The following PTP4A3 variants were observed in gnomAD, a reference collection of about 807,000 sequenced individuals.
PTP4A3 encodes protein tyrosine phosphatase type IVA 3.
A neutral mutation model predicts 15.2 loss-of-function variants in PTP4A3; 9 were observed. The observed-to-expected ratio is 0.59, with a 90% CI of 0.36 to 1.03. The LOEUF (loss-of-function observed/expected upper bound fraction) is 1.03, where lower values mean the gene tolerates loss of function less well. PTP4A3 is among the 50% of genes least tolerant of loss of function. The pLI, the probability that PTP4A3 is intolerant of heterozygous loss-of-function variation, is 0.02. For missense variants in PTP4A3, 234 were observed against 252.1 expected, an observed-to-expected ratio of 0.93 and a Z score of 0.49; for synonymous variants, 95 against 102.0, an observed-to-expected ratio of 0.93 and a Z score of 0.41.
At chr8:141,396,601 C>T (rs922394373) in intron 1 of PTP4A3, among the ~76,000 whole-genome samples, 1 of 152,076 alleles carries the variant, frequency 6.6e-6, no homozygotes, top group Non-Finnish European at 1.5e-5. Flanking sequence ...GAGGAGCTGG[C>T]GCCAAGTGGA....
chr8:141,410,300 G>A (rs528286751), intron 1 of PTP4A3, among the ~76,000 whole-genome samples: 3 of 152,352 alleles, frequency 2.0e-5, no homozygotes, highest in South Asian at 4.1e-4. Flanking sequence ...GGTGGGGTTC[G>A]GTGAGGCACC....
intron 1 of PTP4A3, among the ~76,000 whole-genome samples, chr8:141,418,556 G>A (rs1045824778): frequency 2.6e-5 from 4 of 152,226 alleles, no homozygotes; most frequent in African/African-American, 4.8e-5. Context: ...TTGAGAAATA[G>A]CTGAGGGCTC....
intron 5 of PTP4A3, among the ~76,000 whole-genome samples, chr8:141,428,189 C>T (rs1051402692): frequency 7.9e-5 from 12 of 152,274 alleles, no homozygotes; most frequent in East Asian, 7.7e-4. Flanking sequence ...CACACCACAC[C>T]GTGTCCACCC....
intron 2 of PTP4A3, among the ~76,000 whole-genome samples, chr8:141,423,761 A>T (rs1217033452): frequency 6.7e-6 from 1 of 150,312 alleles, no homozygotes; most frequent in Non-Finnish European, 1.5e-5. Flanking sequence ...TCAGTGTGTG[A>T]CCAGGATTGA....
chr8:141,393,510 T>C (rs1024625573), intron 1 of PTP4A3, among the ~76,000 whole-genome samples: 1 of 151,888 alleles, frequency 6.6e-6, no homozygotes, highest in East Asian at 1.9e-4. Flanking sequence ...CCAGGCCCAA[T>C]GCTGGACCTG....
Position 141,430,809 on chromosome 8 carries a change from G to C in PTP4A3, c.405-118G>C, listed in dbSNP as rs1833835429. 87 of 918,680 alleles carry C rather than the reference G, an allele frequency of 9.5e-5. 2 individuals carry two copies. In the South Asian group the frequency reaches 1.2e-3, roughly 13 times the overall value. The allele number at this position is 918,680 out of a possible 1,614,324, so 56.9% of individuals were successfully genotyped here. A position where few individuals can be genotyped will look rare whatever the true frequency, so the allele number is the denominator to read the frequency against. ...CAAGGCCCTGGGACAGGAGGGGCTT[G>C]GCCAGCCTCAAGGCCTTACTCCAGC... On this transcript the variant is annotated intron_variant, in intron 5 of 5. Transcript: ENST00000521578.
chr8:141,396,868 G>A (rs1005536208), intron 1 of PTP4A3, among the ~76,000 whole-genome samples: 3 of 152,174 alleles, frequency 2.0e-5, no homozygotes, highest in African/African-American at 4.8e-5. Flanking sequence ...CACTGAGCCC[G>A]CTGGGGTTCC....
intron 1 of PTP4A3, among the ~76,000 whole-genome samples, chr8:141,414,059 GGC>G (rs924677917): frequency 7.4e-6 from 1 of 134,812 alleles, no homozygotes; most frequent in East Asian, 2.7e-4. Flanking sequence ...CTGTTTCTGT[GGC>G]GTGTGTGTGT....
At chr8:141,395,916 G>T (rs1832440307) in intron 1 of PTP4A3, among the ~76,000 whole-genome samples, 1 of 152,184 alleles carries the variant, frequency 6.6e-6, no homozygotes, top group South Asian at 2.1e-4. Context: ...GAGTGGAAAT[G>T]CAGCACAGTC....
intron 1 of PTP4A3, among the ~76,000 whole-genome samples, chr8:141,420,677 G>C (rs1833288961): frequency 6.6e-6 from 1 of 152,250 alleles, no homozygotes; most frequent in Admixed American, 6.5e-5. Flanking sequence ...GAGGGGCAGA[G>C]CTGGCCTGTT....
intron 1 of PTP4A3, among the ~76,000 whole-genome samples, chr8:141,419,047 A>G (rs1460306023): frequency 6.6e-6 from 1 of 152,020 alleles, no homozygotes; most frequent in East Asian, 1.9e-4. Flanking sequence ...TGGACCCCTA[A>G]CCCCATTCTA....
At chr8:141,416,052 C>G (rs1030673988) in intron 1 of PTP4A3, among the ~76,000 whole-genome samples, 3 of 151,926 alleles carry the variant, frequency 2.0e-5, no homozygotes, top group Admixed American at 6.5e-5. Context: ...CTCCCAGGCC[C>G]GGCCAGAGGG....
chr8:141,416,800 TG>T (rs1367746303), intron 1 of PTP4A3, among the ~76,000 whole-genome samples: 2 of 149,718 alleles, frequency 1.3e-5, no homozygotes, highest in Non-Finnish European at 3.0e-5. Context: ...CCGGCACAGC[TG>T]GGCCAGGCTG....
Position 141,422,187 on chromosome 8 carries a change from TC to T in PTP4A3, c.-50del, listed in dbSNP as rs1184570067. 1.3e-6 allele frequency: 2 copies of T among 1,575,964 alleles called. No homozygotes were observed. The highest frequency in any genetic ancestry group is 4.5e-5 in the East Asian group (2 of 44,574). On this transcript the variant is annotated 5_prime_UTR_variant, in exon 2 of 6. Coordinates refer to ENST00000521578, the MANE Select transcript of PTP4A3 (RefSeq NM_032611.3). ...GTGTGTGGGGACTTCTCAGGTCGTGTCCCCAGCCTTCTCTGCAGTCCCTTCT... is the reference window on the plus strand; with the variant it reads ...GTGTGTGGGGACTTCTCAGGTCGTGTCCCAGCCTTCTCTGCAGTCCCTTCT...
At chr8:141,417,756 GCGCC>G (rs1833117650) in intron 1 of PTP4A3, among the ~76,000 whole-genome samples, 1 of 151,946 alleles carries the variant, frequency 6.6e-6, no homozygotes, top group African/African-American at 2.4e-5. Context: ...CCTCTTCCCC[GCGCC>G]CGCCCTGCGC....
chr8:141,411,472 G>C (rs2129945151), intron 1 of PTP4A3, among the ~76,000 whole-genome samples: 1 of 152,344 alleles, frequency 6.6e-6, no homozygotes, highest in East Asian at 1.9e-4. Flanking sequence ...GGCGCCGTGT[G>C]CACTGGCTCT....
At chr8:141,405,922 CAGG>C in intron 1 of PTP4A3, among the ~76,000 whole-genome samples, 1 of 152,036 alleles carries the variant, frequency 6.6e-6, no homozygotes, top group Non-Finnish European at 1.5e-5. Context: ...TGGCAAGTTG[CAGG>C]AACAGCTGGG....
rs1346650349 is a variant in PTP4A3 at position 141,427,612 on chromosome 8, G to A, written c.330-138G>A. On this transcript the variant is annotated intron_variant, in intron 4 of 5. Coordinates refer to ENST00000521578, the MANE Select transcript of PTP4A3 (RefSeq NM_032611.3). Reference sequence around the variant, plus strand: ...TGCTCAGGCTGGGCTGTGAGGCTGTGGCCTCCATGGGGGAGCTTCAGGCAG... The same window carrying A: ...TGCTCAGGCTGGGCTGTGAGGCTGTAGCCTCCATGGGGGAGCTTCAGGCAG... The A allele has an allele frequency of 8.7e-6, 6 of 691,720 alleles. No homozygotes were observed. In the East Asian group the frequency reaches 1.7e-4, roughly 20 times the overall value. 42.8% of individuals were successfully genotyped at this position (691,720 alleles called of 1,614,324 possible). A position where few individuals can be genotyped will look rare whatever the true frequency, so the allele number is the denominator to read the frequency against.
At chr8:141,411,538 C>G (rs904252786) in intron 1 of PTP4A3, among the ~76,000 whole-genome samples, 1 of 152,234 alleles carries the variant, frequency 6.6e-6, no homozygotes, top group South Asian at 2.1e-4. Flanking sequence ...CTGTGACCTT[C>G]CGCAGCCAGC....
Sources: gnomAD v4.1 joint callset for allele counts (sites outside exome capture counted in the v4.1 genomes callset) on GRCh38, gnomAD v4.1.1 for gene constraint, MANE v1.5 for transcripts, NCBI Gene and HGNC (gene_info 2026-07-23, HGNC 2026-07-21) for gene names.